CACNG6: variants seen among roughly 807,000 people sequenced by gnomAD.
CACNG6 encodes the protein voltage-dependent calcium channel gamma-6 subunit.
A neutral mutation model predicts 23.9 loss-of-function variants in CACNG6; 21 were observed. That is an observed-to-expected ratio of 0.88 (90% CI 0.62 to 1.26). The LOEUF is 1.26. CACNG6 is among the 50% of genes most tolerant of loss of function. The pLI, the probability that CACNG6 is intolerant of heterozygous loss-of-function variation, is 0.00. For missense variants in CACNG6, 340 were observed against 352.9 expected (o/e 0.96, Z 0.29); for synonymous variants, 182 against 168.9 (o/e 1.08, Z -0.60).
At chr19:54,000,875 CA>C (rs1196735637) in intron 3 of CACNG6, among the ~76,000 whole-genome samples, 1 of 152,282 alleles carries the variant, frequency 6.6e-6, no homozygotes, top group East Asian at 1.9e-4. Flanking sequence ...CCACCACACA[CA>C]GCTTCCCCCA....
At position 54,004,335 on chromosome 19, in the gene CACNG6, T is replaced by TGTGTGTG. The variant is rs1411422394; in HGVS notation, c.544+4564_544+4565insGTGTGTG. On this transcript the variant is annotated intron_variant, in intron 3 of 3. Coordinates refer to ENST00000252729, the MANE Select transcript of CACNG6 (RefSeq NM_145814.2). The stretch of plus-strand genomic sequence containing the variant: ...ACCACGCCTGGTTAATTTTGTATTT[T>TGTGTGTG]TGTGTGTGTGTGTGTGTGTGTGTGT... Among the ~76,000 whole-genome samples the TGTGTGTG allele has an allele frequency of 3.8e-4, 41 of 107,324 alleles. 2 individuals carry two copies. Among genetic ancestry groups the TGTGTGTG allele is most frequent in the African/African-American group, 1.5e-3 (39 of 25,282 alleles). The allele number at this position is 107,324 out of a possible 152,430, so 70.4% of individuals were successfully genotyped here.
At chr19:54,011,203 A>ATATAT (rs1236174156) in intron 3 of CACNG6, among the ~76,000 whole-genome samples, 12 of 100,648 alleles carry the variant, frequency 1.2e-4, no homozygotes, top group East Asian at 6.4e-4. Flanking sequence ...AAAAAAAAAA[A>ATATAT]AAATATATAT....
rs751802344 is a variant in CACNG6 at position 53,992,870 on chromosome 19, G to A, written c.-8G>A. ...CTCCTCCCCCTTCCCGACCCCACCGGCCATAAGATGATGTGGTCCAACTTC... is the reference window on the plus strand; with the variant it reads ...CTCCTCCCCCTTCCCGACCCCACCGACCATAAGATGATGTGGTCCAACTTC... On this transcript the variant is annotated 5_prime_UTR_variant, in exon 1 of 4. Transcript: ENST00000252729. This position sits in a 1 kb window ranked among gnomAD's most constrained non-coding sequence, Gnocchi z 4.1. 26 of 1,387,650 alleles carry A rather than the reference G, an allele frequency of 1.9e-5. No homozygotes were observed. The highest frequency in any genetic ancestry group is 2.3e-5 in the Non-Finnish European group (25 of 1,070,340). 86.0% of individuals were successfully genotyped at this position (1,387,650 alleles called of 1,614,324 possible). A position where few individuals can be genotyped will look rare whatever the true frequency, so the allele number is the denominator to read the frequency against.
chr19:54,006,517 C>CTTTTTTTTTTTTTTTTTTTTTTTTTT (rs1236056716), intron 3 of CACNG6, among the ~76,000 whole-genome samples: 15 of 107,318 alleles, frequency 1.4e-4, no homozygotes, highest in African/African-American at 5.3e-4. Flanking sequence ...TTCCTTCTTT[C>CTTTTTTTTTTTTTTTTTTTTTTTTTT]TTTTCTTTTT....
chr19:54,000,684 T>G (rs2069566477), intron 3 of CACNG6, among the ~76,000 whole-genome samples: 1 of 151,964 alleles, frequency 6.6e-6, no homozygotes, highest in African/African-American at 2.4e-5. Flanking sequence ...GTTCAAGTGA[T>G]TCTTCTGCCT....
At chr19:54,009,236 C>T (rs970132870) in intron 3 of CACNG6, among the ~76,000 whole-genome samples, 7 of 152,216 alleles carry the variant, frequency 4.6e-5, no homozygotes, top group African/African-American at 1.2e-4. Flanking sequence ...GCCTGGCCAA[C>T]GTGGTGAAAC....
At chr19:54,006,517 C>CTTTTTTTTTTTTTTTTTTTTTTTTTTTT (rs1236056716) in intron 3 of CACNG6, among the ~76,000 whole-genome samples, 9 of 107,322 alleles carry the variant, frequency 8.4e-5, no homozygotes, top group African/African-American at 2.6e-4. Flanking sequence ...TTCCTTCTTT[C>CTTTTTTTTTTTTTTTTTTTTTTTTTTTT]TTTTCTTTTT....
chr19:54,006,120 A>AAATAAATAAATAAATAAATAAATG lies in CACNG6; in HGVS notation c.545-5829_545-5828insTAAATAAATAAATAAATAAATGAA, dbSNP rs371151424. 2.7e-5 allele frequency among the ~76,000 whole-genome samples: 4 copies of AAATAAATAAATAAATAAATAAATG among 150,670 alleles called. No individual in the cohort carries two copies. The South Asian group carries it at 8.4e-4, about 32-fold the overall frequency. On this transcript the variant is annotated intron_variant, in intron 3 of 3. Transcript: ENST00000252729. ...TAAATAAATAAATAAATAAATAAAT[A>AAATAAATAAATAAATAAATAAATG]AAATAAGAAAGAAAGAAGACTCATT...
At chr19:54,009,477 C>T (rs1240984803) in intron 3 of CACNG6, among the ~76,000 whole-genome samples, 8 of 150,664 alleles carry the variant, frequency 5.3e-5, no homozygotes, top group South Asian at 2.1e-4. Context: ...ATTAGCCAGG[C>T]GTGGTGGAGC....
chr19:54,006,091 A>AAAATAAATAAATAAATAAGT (rs2069640851), intron 3 of CACNG6, among the ~76,000 whole-genome samples: 1 of 140,538 alleles, frequency 7.1e-6, no homozygotes, highest in Admixed American at 7.4e-5. Context: ...CTCTGTTTCA[A>AAAATAAATAAATAAATAAGT]AAATAAATAA....
Position 53,992,587 on chromosome 19 carries a change from T to G in CACNG6, c.-291T>G. On this transcript the variant is annotated 5_prime_UTR_variant, in exon 1 of 4. Coordinates refer to ENST00000252729, the MANE Select transcript of CACNG6 (RefSeq NM_145814.2). The surrounding 1 kb of genome is among the most constrained non-coding windows in gnomAD (Gnocchi z 4.1). ...CTAAACCTCAGGGTGGGGGCCTTGT[T>G]TTTCCTCTGGGCCCCGTCTTCTTTG... 1 of 259,600 alleles carries G rather than the reference T, an allele frequency of 3.9e-6. No homozygotes were observed. The allele number at this position is 259,600 out of a possible 1,614,324, so 16.1% of individuals were successfully genotyped here.
intron 3 of CACNG6, among the ~76,000 whole-genome samples, chr19:54,003,606 C>T (rs1409391341): frequency 2.0e-5 from 3 of 152,108 alleles, no homozygotes; most frequent in African/African-American, 7.2e-5. Context: ...GGTGATCCAC[C>T]TGCCTTGGCC....
chr19:53,998,511 CTTTT>C (rs35492861), intron 2 of CACNG6, among the ~76,000 whole-genome samples, 198 bp downstream of exon 2: 1 of 115,454 alleles, frequency 8.7e-6, no homozygotes, highest in East Asian at 2.5e-4. Context: ...CTAGAGAACT[CTTTT>C]TTTTTTTTTT....
At chr19:54,011,205 A>AAATATATATATATATATATATATATATAT (rs58054808) in intron 3 of CACNG6, among the ~76,000 whole-genome samples, 1 of 102,546 alleles carries the variant, frequency 9.8e-6, no homozygotes, top group Non-Finnish European at 1.7e-5. Flanking sequence ...AAAAAAAAAA[A>AAATATATATATATATATATATATATATAT]ATATATATAT....
chr19:54,012,198 G>A lies in CACNG6; in HGVS notation c.*9G>A. On this transcript the variant is annotated 3_prime_UTR_variant, in exon 4 of 4. Coordinates refer to ENST00000252729, the MANE Select transcript of CACNG6 (RefSeq NM_145814.2). Reference sequence around the variant, plus strand: ...GGCACCGGGCCACCTAGAGCCACGCGTGAGACTTCTCTAAGCAACCACCGA... The same window carrying A: ...GGCACCGGGCCACCTAGAGCCACGCATGAGACTTCTCTAAGCAACCACCGA... The A allele has an allele frequency of 2.4e-6, 3 of 1,233,598 alleles. No individual in the cohort carries two copies. The highest frequency in any genetic ancestry group is 3.3e-6 in the Non-Finnish European group (3 of 915,898). 76.4% of individuals were successfully genotyped at this position (1,233,598 alleles called of 1,614,324 possible).
rs527988186 is a variant in CACNG6, at chr19:53,997,042, G to A, written c.332-1197G>A. ...TGCTGCCACACCCAGCTGATTTTTT[G>A]TATTTTTGGTACAGACGGGGTTTCA... On this transcript the variant is annotated intron_variant, in intron 1 of 3. Transcript: ENST00000252729. 2.0e-5 allele frequency among the ~76,000 whole-genome samples: 3 copies of A among 151,106 alleles called. No individual in the cohort carries two copies. The South Asian group carries it at 6.3e-4, about 32-fold the overall frequency.
chr19:54,003,280 C>T (rs916808350), intron 3 of CACNG6, among the ~76,000 whole-genome samples: 6 of 152,192 alleles, frequency 3.9e-5, no homozygotes, highest in East Asian at 1.9e-4. Context: ...TCCTGCTCCA[C>T]GCTGCGAGAG....
At chr19:53,993,257 A>G in intron 1 of CACNG6, 49 bp downstream of exon 1, 5 of 1,493,318 alleles carry the variant, frequency 3.3e-6, no homozygotes, top group Non-Finnish European at 4.4e-6. Context: ...ACGGACAGGG[A>G]GGGAGAGGGG....
At chr19:53,996,109 C>G (rs936438488) in intron 1 of CACNG6, among the ~76,000 whole-genome samples, 2 of 152,212 alleles carry the variant, frequency 1.3e-5, no homozygotes, top group South Asian at 4.1e-4. Context: ...TTTCTTGTCC[C>G]TTCATATCCT....
Sources: gnomAD v4.1 joint callset for allele counts (sites outside exome capture counted in the v4.1 genomes callset) on GRCh38, gnomAD v4.1.1 for gene constraint, Gnocchi (gnomAD v3.1) non-coding constraint, MANE v1.5 for transcripts, NCBI Gene and HGNC (gene_info 2026-07-23, HGNC 2026-07-21) for gene names.